Variants in RIMS1 observed in about 807,000 individuals in gnomAD.
The protein encoded by RIMS1 is regulating synaptic membrane exocytosis 1.
RIMS1 carries 83 observed loss-of-function variants against 214.1 expected under a neutral mutation model. The observed-to-expected ratio is 0.39, with a 90% confidence interval of 0.32 to 0.47. The LOEUF is 0.47. Among genes scored for constraint, RIMS1 ranks in the 20% least tolerant of loss-of-function variants. The pLI is 0.99. For synonymous variants in RIMS1, 793 were observed against 786.8 expected, an observed-to-expected ratio of 1.01 and a Z score of -0.13; for missense variants, 2,050 against 2,161.8, an observed-to-expected ratio of 0.95 and a Z score of 1.03.
At chr6:72,124,791 T>G (rs2039160916) in intron 4 of RIMS1, among the ~76,000 whole-genome samples, 1 of 152,172 alleles carries the variant, frequency 6.6e-6, no homozygotes, top group South Asian at 2.1e-4. Flanking sequence ...CTTGTGCATA[T>G]ATCACATAGT....
intron 29 of RIMS1, among the ~76,000 whole-genome samples, chr6:72,360,144 A>C (rs577605085): frequency 4.1e-4 from 62 of 152,276 alleles, no homozygotes; most frequent in African/African-American, 1.4e-3. Flanking sequence ...AGCAGAGACT[A>C]GTTTCTGCTT....
At chr6:72,385,371 C>T (rs1051562436) in intron 29 of RIMS1, among the ~76,000 whole-genome samples, 4 of 152,122 alleles carry the variant, frequency 2.6e-5, no homozygotes, top group Non-Finnish European at 4.4e-5. Context: ...GATAATTATA[C>T]ATTTGTGCTT....
intron 6 of RIMS1, among the ~76,000 whole-genome samples, chr6:72,209,418 A>G (rs2053452611): frequency 6.6e-6 from 1 of 152,182 alleles, no homozygotes. Flanking sequence ...TAAATATATT[A>G]ATTTCCCACA....
At chr6:71,892,540 G>A (rs1770239200) in intron 1 of RIMS1, among the ~76,000 whole-genome samples, 2 of 152,048 alleles carry the variant, frequency 1.3e-5, no homozygotes, top group Admixed American at 1.3e-4. Flanking sequence ...GGCCCCAGGT[G>A]ACTCTCTAAC....
intron 4 of RIMS1, among the ~76,000 whole-genome samples, chr6:72,118,723 C>T (rs955531989): frequency 6.6e-6 from 1 of 151,638 alleles, no homozygotes; most frequent in Admixed American, 6.6e-5. Flanking sequence ...AAACAAAAAT[C>T]ATATGATTAT....
chr6:72,283,393 G>C (rs2091078513), intron 23 of RIMS1, among the ~76,000 whole-genome samples: 1 of 152,064 alleles, frequency 6.6e-6, no homozygotes, highest in South Asian at 2.1e-4. Context: ...CTTTTAAAAA[G>C]TAGAATAAAC....
At chr6:71,933,680 A>G (rs1371767222) in intron 1 of RIMS1, among the ~76,000 whole-genome samples, 1 of 114,700 alleles carries the variant, frequency 8.7e-6, no homozygotes, top group Non-Finnish European at 1.8e-5. Flanking sequence ...GCTCTTCCTC[A>G]ATCACACACA....
intron 4 of RIMS1, among the ~76,000 whole-genome samples, chr6:72,122,481 C>T (rs1562364309): frequency 6.6e-6 from 1 of 151,818 alleles, no homozygotes; most frequent in Non-Finnish European, 1.5e-5. Flanking sequence ...GCTGGGATTA[C>T]AGGCATGAGC....
intron 28 of RIMS1, among the ~76,000 whole-genome samples, chr6:72,329,488 C>A (rs2096587437): frequency 6.6e-6 from 1 of 150,888 alleles, no homozygotes; most frequent in African/African-American, 2.4e-5. Flanking sequence ...CTATGACTTA[C>A]CAGTTATCCA....
intron 2 of RIMS1, among the ~76,000 whole-genome samples, chr6:71,976,030 G>A (rs527927313): frequency 6.6e-6 from 1 of 152,136 alleles, no homozygotes; most frequent in South Asian, 2.1e-4. Flanking sequence ...TTAGGTACAA[G>A]TTTTTGGGGA....
chr6:72,071,361 A>ACTACACT (rs1830544782), intron 2 of RIMS1, among the ~76,000 whole-genome samples: 1 of 152,172 alleles, frequency 6.6e-6, no homozygotes, highest in Admixed American at 6.6e-5. Flanking sequence ...GATTACAGGC[A>ACTACACT]CCACTACACT....
intron 2 of RIMS1, among the ~76,000 whole-genome samples, chr6:72,079,097 C>G (rs1450007447): frequency 6.6e-6 from 1 of 152,052 alleles, no homozygotes; most frequent in Non-Finnish European, 1.5e-5. Context: ...TTCTAATAAC[C>G]ATTTAATATA....
At chr6:72,096,911 T>C in intron 2 of RIMS1, 38 bp from the exon 3 acceptor site, 3 of 1,526,266 alleles carry the variant, frequency 2.0e-6, no homozygotes, top group Non-Finnish European at 2.7e-6. Context: ...TGTCTTCCAC[T>C]ATTTACTTAG....
chr6:72,058,631 C>G (rs552086369), intron 2 of RIMS1, among the ~76,000 whole-genome samples: 1 of 152,196 alleles, frequency 6.6e-6, no homozygotes, highest in Non-Finnish European at 1.5e-5. Flanking sequence ...TTTGGGTTCT[C>G]TCCTAGGTTC....
At chr6:72,238,865 T>C (rs985416136) in intron 9 of RIMS1, among the ~76,000 whole-genome samples, 5 of 152,156 alleles carry the variant, frequency 3.3e-5, no homozygotes, top group African/African-American at 1.2e-4. Flanking sequence ...TTAAAGACTT[T>C]TCAGTATATT....
At chr6:72,102,070 G>A (rs899806362) in intron 4 of RIMS1, among the ~76,000 whole-genome samples, 6 of 151,912 alleles carry the variant, frequency 3.9e-5, no homozygotes, top group Non-Finnish European at 5.9e-5. Context: ...CCCATAGCCA[G>A]TTTAAATTAC....
At chr6:72,252,307 A>C (rs2073769837) in intron 15 of RIMS1, among the ~76,000 whole-genome samples, 1 of 152,144 alleles carries the variant, frequency 6.6e-6, no homozygotes, top group South Asian at 2.1e-4. Context: ...TGGGGAGCTA[A>C]ACATAAATAT....
chr6:72,229,355 A>T (rs893134540), intron 6 of RIMS1, among the ~76,000 whole-genome samples: 2 of 151,894 alleles, frequency 1.3e-5, no homozygotes, highest in African/African-American at 4.8e-5. Flanking sequence ...TGTGAAAGAT[A>T]ATTTATGTAA....
chr6:71,917,956 G>C (rs560754209), intron 1 of RIMS1, among the ~76,000 whole-genome samples: 62 of 152,274 alleles, frequency 4.1e-4, no homozygotes, highest in African/African-American at 1.4e-3. Context: ...CACTTGGAGA[G>C]GAGGTCCAAT....
Sources: allele counts gnomAD v4.1 joint callset (sites outside exome capture counted in the v4.1 genomes callset), GRCh38; gene constraint gnomAD v4.1.1; transcripts MANE v1.5; gene names NCBI Gene and HGNC (gene_info 2026-07-23, HGNC 2026-07-21).